The following RANBP9 variants were observed in gnomAD, a reference collection of about 807,000 sequenced individuals.
RANBP9 encodes ran-binding protein 9.
A neutral mutation model predicts 84.3 loss-of-function variants in RANBP9; 15 were observed. The observed-to-expected ratio is 0.18, with a 90% CI of 0.12 to 0.27. RANBP9 has a LOEUF of 0.27. RANBP9 is among the 10% of genes least tolerant of loss of function. The pLI is 1.00. For missense variants in RANBP9, 809 were observed against 912.8 expected, an observed-to-expected ratio of 0.89 and a Z score of 1.46; for synonymous variants, 392 against 349.6, an observed-to-expected ratio of 1.12 and a Z score of -1.35.
intron 12 of RANBP9, among the ~76,000 whole-genome samples, chr6:13,627,334 A>G (rs898192011): frequency 3.9e-5 from 6 of 152,042 alleles, no homozygotes; most frequent in Non-Finnish European, 7.4e-5. Flanking sequence ...AATCAAACAC[A>G]TTATTTTGTT....
chr6:13,632,118 C>CTTTTTT (rs752500098), intron 12 of RANBP9, among the ~76,000 whole-genome samples: 6 of 74,922 alleles, frequency 8.0e-5, no homozygotes, highest in Non-Finnish European at 1.0e-4. Flanking sequence ...GGATTTAATC[C>CTTTTTT]TTTTTTTTTT....
chr6:13,683,539 T>G (rs1380718155), intron 2 of RANBP9, among the ~76,000 whole-genome samples: 3 of 152,126 alleles, frequency 2.0e-5, no homozygotes, highest in Non-Finnish European at 4.4e-5. Flanking sequence ...CTCATGTGAC[T>G]CAAATACATC....
At chr6:13,676,079 G>C (rs1020362413) in intron 2 of RANBP9, among the ~76,000 whole-genome samples, 32 of 152,004 alleles carry the variant, frequency 2.1e-4, no homozygotes, top group African/African-American at 7.7e-4. Context: ...TCCATCCATT[G>C]AAAGAGCCTA....
chr6:13,657,714 G>A (rs1270924039), intron 3 of RANBP9, among the ~76,000 whole-genome samples: 1 of 152,108 alleles, frequency 6.6e-6, no homozygotes, highest in African/African-American at 2.4e-5. Flanking sequence ...AAGCCAAACA[G>A]GGTGTGGTCT....
At chr6:13,624,868 C>T (rs987184392) in intron 13 of RANBP9, among the ~76,000 whole-genome samples, 14 of 152,152 alleles carry the variant, frequency 9.2e-5, no homozygotes, top group African/African-American at 3.1e-4. Flanking sequence ...AGGCTTGATC[C>T]TGCCGGGTAC....
chr6:13,674,083 C>CA (rs35496559), intron 2 of RANBP9, among the ~76,000 whole-genome samples: 8,989 of 94,424 alleles, frequency 0.095, 303 homozygotes, highest in Non-Finnish European at 0.11. Context: ...GACCTTGTCT[C>CA]AAAAAAAAAA....
At chr6:13,652,815 A>G in intron 4 of RANBP9, 134 bp from the exon 5 acceptor site, 1 of 728,824 alleles carries the variant, frequency 1.4e-6, no homozygotes, top group Non-Finnish European at 2.2e-6. Context: ...AAAAATAACA[A>G]GACTAATTTT....
intron 4 of RANBP9, among the ~76,000 whole-genome samples, chr6:13,655,237 T>G (rs948549357): frequency 6.6e-6 from 1 of 152,220 alleles, no homozygotes; most frequent in African/African-American, 2.4e-5. Context: ...TTTGGAAGGC[T>G]GAGGCGGGTG....
chr6:13,635,538 T>C (rs928108030), intron 10 of RANBP9, among the ~76,000 whole-genome samples: 7 of 151,344 alleles, frequency 4.6e-5, no homozygotes, highest in African/African-American at 1.5e-4. Flanking sequence ...CTATGCGTAA[T>C]ACCACCAGAG....
chr6:13,674,354 G>A (rs2113314371), intron 2 of RANBP9, among the ~76,000 whole-genome samples: 1 of 152,000 alleles, frequency 6.6e-6, no homozygotes, highest in East Asian at 1.9e-4. Context: ...AAAGGCAGCT[G>A]GACTAGTTAT....
intron 4 of RANBP9, among the ~76,000 whole-genome samples, chr6:13,656,896 A>T (rs189142443): frequency 6.6e-6 from 1 of 152,130 alleles, no homozygotes; most frequent in Non-Finnish European, 1.5e-5. Flanking sequence ...ACTCCTATAC[A>T]TATATGTATT....
intron 10 of RANBP9, among the ~76,000 whole-genome samples, chr6:13,637,485 C>T (rs1320866960): frequency 6.6e-6 from 1 of 152,150 alleles, no homozygotes; most frequent in African/African-American, 2.4e-5. Flanking sequence ...GAAAACATAA[C>T]AAATGGCATT....
intron 2 of RANBP9, among the ~76,000 whole-genome samples, chr6:13,677,485 C>T (rs1765920912): frequency 6.6e-6 from 1 of 151,904 alleles, no homozygotes; most frequent in Admixed American, 6.6e-5. Flanking sequence ...CTTACAAGAC[C>T]TAAAAATTAC....
chr6:13,701,570 C>T (rs1458593416), intron 1 of RANBP9, among the ~76,000 whole-genome samples: 3 of 151,910 alleles, frequency 2.0e-5, no homozygotes, highest in East Asian at 3.9e-4. Context: ...GTCTGGAGTT[C>T]GAGACCAGCC....
intron 2 of RANBP9, among the ~76,000 whole-genome samples, chr6:13,684,638 C>T (rs953407984): frequency 2.6e-5 from 4 of 152,196 alleles, no homozygotes; most frequent in African/African-American, 9.6e-5. Context: ...CTTCTCTGAT[C>T]AATGAACATT....
At chr6:13,656,693 G>A (rs566424291) in intron 4 of RANBP9, among the ~76,000 whole-genome samples, 1 of 152,220 alleles carries the variant, frequency 6.6e-6, no homozygotes, top group African/African-American at 2.4e-5. Context: ...CCCTTCATAT[G>A]CTTGTGGCAT....
At chr6:13,680,650 G>T (rs1488198417) in intron 2 of RANBP9, among the ~76,000 whole-genome samples, 1 of 152,074 alleles carries the variant, frequency 6.6e-6, no homozygotes, top group Non-Finnish European at 1.5e-5. Context: ...CAGCTACTCA[G>T]GAGGCTGAGG....
At chr6:13,687,257 A>G (rs1230664722) in intron 2 of RANBP9, among the ~76,000 whole-genome samples, 1 of 152,106 alleles carries the variant, frequency 6.6e-6, no homozygotes, top group East Asian at 1.9e-4. Flanking sequence ...TTTTTAGTCA[A>G]AGCCTTTGCT....
chr6:13,681,616 TA>T (rs1003543394), intron 2 of RANBP9, among the ~76,000 whole-genome samples: 2 of 151,316 alleles, frequency 1.3e-5, no homozygotes, highest in Non-Finnish European at 2.9e-5. Flanking sequence ...ATAGATAAAA[TA>T]AAAAAATTCA....
Sources: allele counts gnomAD v4.1 joint callset (sites outside exome capture counted in the v4.1 genomes callset), GRCh38; gene constraint gnomAD v4.1.1; transcripts MANE v1.5; gene names NCBI Gene and HGNC (gene_info 2026-07-23, HGNC 2026-07-21).